AKAP7: variants seen among roughly 807,000 people sequenced by gnomAD.
The protein encoded by AKAP7 is A-kinase anchoring protein 7.
In AKAP7, 39 loss-of-function variants were observed where a neutral mutation model predicts 39.5. The observed-to-expected ratio is 0.99, with a 90% CI of 0.76 to 1.29. AKAP7 has a LOEUF of 1.29. Among genes scored for constraint, AKAP7 ranks in the 50% most tolerant of loss-of-function variants. The pLI is 0.00. For synonymous variants in AKAP7, 140 were observed against 139.1 expected (o/e 1.01, Z -0.05); for missense variants, 414 against 407.7 (o/e 1.02, Z -0.13).
At position 131,211,872 on chromosome 6, in the gene AKAP7, A is replaced by G. The variant is rs796179652; in HGVS notation, c.703-7789A>G. ...GATAGGGTTACATTCTGATAAGCCC[A>G]TCATAAATTGAACAAGTTGTAAGTT... On this transcript the variant is annotated intron_variant, in intron 6 of 7. Coordinates refer to ENST00000431975, the MANE Select transcript of AKAP7 (RefSeq NM_016377.4). Among the ~76,000 whole-genome samples, 5 of 152,088 alleles carry G rather than the reference A, an allele frequency of 3.3e-5. No individual in the cohort carries two copies. In the South Asian group the frequency reaches 8.3e-4, roughly 25 times the overall value.
chr6:131,258,478 C>G (rs1813044880), intron 7 of AKAP7, among the ~76,000 whole-genome samples: 1 of 152,184 alleles, frequency 6.6e-6, no homozygotes, highest in South Asian at 2.1e-4. Flanking sequence ...TTACCTTAAG[C>G]TTCTATCCCA....
At chr6:131,254,338 C>T (rs1812681217) in intron 7 of AKAP7, among the ~76,000 whole-genome samples, 1 of 152,166 alleles carries the variant, frequency 6.6e-6, no homozygotes, top group South Asian at 2.1e-4. Flanking sequence ...CCTAATTTCT[C>T]ATATTGAGCT....
intron 7 of AKAP7, among the ~76,000 whole-genome samples, chr6:131,249,279 T>A (rs537758585): frequency 1.3e-5 from 2 of 152,290 alleles, no homozygotes; most frequent in African/African-American, 4.8e-5. Context: ...GCATCAAAAT[T>A]ATCAAAATTC....
intron 7 of AKAP7, among the ~76,000 whole-genome samples, chr6:131,261,092 A>G (rs1376813918): frequency 6.6e-6 from 1 of 152,056 alleles, no homozygotes; most frequent in Non-Finnish European, 1.5e-5. Flanking sequence ...GCTACTCAGC[A>G]GGCTGAGGCA....
intron 7 of AKAP7, among the ~76,000 whole-genome samples, chr6:131,255,025 ATT>A (rs1812732478): frequency 6.6e-6 from 1 of 152,160 alleles, no homozygotes; most frequent in Non-Finnish European, 1.5e-5. Context: ...AGGTGATCAA[ATT>A]TTACACAAGG....
intron 3 of AKAP7, among the ~76,000 whole-genome samples, chr6:131,163,287 A>G (rs1803168946): frequency 6.6e-6 from 1 of 152,232 alleles, no homozygotes; most frequent in Admixed American, 6.5e-5. Context: ...GAAGAGATGT[A>G]GTCAGGCAAG....
intron 5 of AKAP7, among the ~76,000 whole-genome samples, chr6:131,179,187 G>T (rs117793208): frequency 0.1 from 15,574 of 151,400 alleles, 1,048 homozygotes; most frequent in South Asian, 0.25. Context: ...TTGTTTGTTT[G>T]TTTTGAGATG....
At chr6:131,236,315 G>A (rs1449730813) in intron 7 of AKAP7, among the ~76,000 whole-genome samples, 4 of 152,256 alleles carry the variant, frequency 2.6e-5, no homozygotes, top group African/African-American at 9.6e-5. Context: ...TAGCCTTGTA[G>A]TATAGTTCGA....
intron 5 of AKAP7, among the ~76,000 whole-genome samples, chr6:131,170,632 CTT>C (rs2128245652): frequency 6.6e-6 from 1 of 152,336 alleles, no homozygotes; most frequent in African/African-American, 2.4e-5. Context: ...TACATTGCCT[CTT>C]TGCAGTTTAA....
chr6:131,275,173 A>G (rs1322957190), intron 7 of AKAP7, among the ~76,000 whole-genome samples: 1 of 152,240 alleles, frequency 6.6e-6, no homozygotes, highest in Non-Finnish European at 1.5e-5. Flanking sequence ...TATTGGGCAT[A>G]TTATTTTTAA....
In AKAP7 at chr6:131,143,525, T is replaced by G. The variant is rs149598545; in HGVS notation, c.20-1760T>G. On this transcript the variant is annotated intron_variant, in intron 1 of 7. Coordinates refer to ENST00000431975, the MANE Select transcript of AKAP7 (RefSeq NM_016377.4). ...GCAGATGCTGGCACTGTGCTTTGTG[T>G]GCAGCCTGCAGAACTGGGAGCCAAA... 3.8e-3 allele frequency among the ~76,000 whole-genome samples: 577 copies of G among 152,300 alleles called. 6 individuals carry two copies. The highest frequency in any genetic ancestry group is 0.013 in the African/African-American group (545 of 41,556).
chr6:131,260,267 G>GT (rs1813204506), intron 7 of AKAP7, among the ~76,000 whole-genome samples: 1 of 152,102 alleles, frequency 6.6e-6, no homozygotes, highest in Admixed American at 6.5e-5. Context: ...ATAAACATAC[G>GT]TGTGCGTGTA....
At chr6:131,257,029 T>C (rs1174774785) in intron 7 of AKAP7, among the ~76,000 whole-genome samples, 1 of 152,136 alleles carries the variant, frequency 6.6e-6, no homozygotes. Flanking sequence ...CAGTTTGCAC[T>C]TTTGGTTCTG....
chr6:131,181,283 TTCCACCA>T (rs1805211049), intron 5 of AKAP7, among the ~76,000 whole-genome samples: 1 of 152,176 alleles, frequency 6.6e-6, no homozygotes, highest in Non-Finnish European at 1.5e-5. Context: ...CTCCCTACTC[TTCCACCA>T]GGAACATCAA....
intron 4 of AKAP7, 110 bp downstream of exon 4, chr6:131,165,327 A>G (rs992348429): frequency 8.2e-6 from 6 of 733,728 alleles, no homozygotes; most frequent in Non-Finnish European, 1.3e-5. Flanking sequence ...TAGTCTCTAT[A>G]CAATTTATTC....
intron 7 of AKAP7, among the ~76,000 whole-genome samples, chr6:131,231,948 C>T (rs1810658990): frequency 6.6e-6 from 1 of 152,186 alleles, no homozygotes; most frequent in Non-Finnish European, 1.5e-5. Context: ...ATAATTGGAA[C>T]TCTCAGCTTA....
At chr6:131,184,265 A>G (rs375534151) in intron 5 of AKAP7, 1 of 483,944 alleles carries the variant, frequency 2.1e-6, no homozygotes. Context: ...GTGGGTATGA[A>G]AAATGAAGTG....
intron 7 of AKAP7, among the ~76,000 whole-genome samples, chr6:131,253,672 T>G (rs911437324): frequency 7.0e-6 from 1 of 143,068 alleles, no homozygotes; most frequent in Non-Finnish European, 1.5e-5. Context: ...ATTTATTTAT[T>G]TATTTATTTA....
At chr6:131,261,297 G>A (rs1361067802) in intron 7 of AKAP7, among the ~76,000 whole-genome samples, 1 of 151,902 alleles carries the variant, frequency 6.6e-6, no homozygotes, top group Non-Finnish European at 1.5e-5. Flanking sequence ...ACAAGTTTGG[G>A]CTCAAATACA....
Sources: gnomAD v4.1 joint callset for allele counts (sites outside exome capture counted in the v4.1 genomes callset) on GRCh38, gnomAD v4.1.1 for gene constraint, MANE v1.5 for transcripts, NCBI Gene and HGNC (gene_info 2026-07-23, HGNC 2026-07-21) for gene names.